INO80C: variants seen among roughly 807,000 people sequenced by gnomAD.
The protein encoded by INO80C is INO80 complex subunit C, also known as IES6 homolog.
Under a neutral mutation model 17.7 loss-of-function variants are expected in INO80C, and 17 were observed. The ratio of observed to expected loss-of-function variants is 0.96; its 90% CI spans 0.66 to 1.44. INO80C has a LOEUF of 1.44. INO80C is among the 40% of genes most tolerant of loss of function. The pLI, the probability that INO80C is intolerant of heterozygous loss-of-function variation, is 0.00. For missense variants in INO80C, 244 were observed against 245.0 expected, an observed-to-expected ratio of 1.00 and a Z score of 0.03; for synonymous variants, 96 against 95.8, an observed-to-expected ratio of 1.00 and a Z score of -0.01.
chr18:35,477,999 A>C (rs577017224), intron 4 of INO80C, among the ~76,000 whole-genome samples: 1 of 152,366 alleles, frequency 6.6e-6, no homozygotes, highest in South Asian at 2.1e-4. Flanking sequence ...TCAGCAGTAA[A>C]AAAAGAAATA....
chr18:35,489,341 T>C (rs1032845562), intron 1 of INO80C: 4 of 277,916 alleles, frequency 1.4e-5, no homozygotes, highest in South Asian at 6.5e-5. Flanking sequence ...CAGTTCCACG[T>C]GGCTGGGGAG....
intron 4 of INO80C, among the ~76,000 whole-genome samples, chr18:35,474,381 A>T (rs2045709679): frequency 6.6e-6 from 1 of 151,606 alleles, no homozygotes; most frequent in Non-Finnish European, 1.5e-5. Context: ...AGGAGAGACA[A>T]CATGCAAGAT....
chr18:35,486,366 G>A (rs1264408240), intron 1 of INO80C, among the ~76,000 whole-genome samples: 2 of 152,210 alleles, frequency 1.3e-5, no homozygotes, highest in African/African-American at 2.4e-5. Context: ...CAGGGGAATG[G>A]AAAGTGACTG....
chr18:35,470,998 A>C (rs1281972422), intron 4 of INO80C, among the ~76,000 whole-genome samples: 1 of 152,192 alleles, frequency 6.6e-6, no homozygotes, highest in South Asian at 2.1e-4. Context: ...TCTCACCCAG[A>C]ATACACTTTT....
chr18:35,472,689 C>T (rs1452015426), intron 4 of INO80C, among the ~76,000 whole-genome samples: 1 of 152,112 alleles, frequency 6.6e-6, no homozygotes, highest in Non-Finnish European at 1.5e-5. Context: ...TCCAAAGAAG[C>T]AGTACCAGTG....
intron 4 of INO80C, among the ~76,000 whole-genome samples, chr18:35,476,485 A>G (rs2045737624): frequency 6.6e-6 from 1 of 152,232 alleles, no homozygotes; most frequent in Non-Finnish European, 1.5e-5. Flanking sequence ...GGCACTTTCT[A>G]TACTATTGTC....
chr18:35,494,402 G>A (rs1189997361), intron 1 of INO80C, among the ~76,000 whole-genome samples: 1 of 152,202 alleles, frequency 6.6e-6, no homozygotes. Flanking sequence ...GATTATCCAA[G>A]TAGGCCTGCC....
intron 1 of INO80C, among the ~76,000 whole-genome samples, chr18:35,481,230 G>A (rs368287295): frequency 5.3e-5 from 8 of 152,288 alleles, no homozygotes; most frequent in African/African-American, 1.7e-4. Flanking sequence ...TGACAAGAAC[G>A]CTAATATGGT....
chr18:35,496,925 A>C (rs1429962713), intron 1 of INO80C: 4 of 152,256 alleles, frequency 2.6e-5, no homozygotes, highest in Non-Finnish European at 5.9e-5. Context: ...AATAAAAAGC[A>C]CTACCAATCA....
intron 4 of INO80C, among the ~76,000 whole-genome samples, chr18:35,474,205 GTCTATATATATATATATA>G (rs2045704572): frequency 1.8e-4 from 5 of 27,236 alleles, no homozygotes; most frequent in African/African-American, 5.6e-4. Context: ...GTGTGTGTGT[GTCTATATATATATATATA>G]TATATATATA....
In INO80C at chr18:35,480,603, T is replaced by C. The variant is rs2045795201; in HGVS notation, c.157-40A>G. 8 of 1,478,670 alleles carry C rather than the reference T, an allele frequency of 5.4e-6. No individual in the cohort carries two copies. The East Asian group carries it at 1.8e-4, about 33-fold the overall frequency. The allele number at this position is 1,478,670 out of a possible 1,614,324, so 91.6% of individuals were successfully genotyped here. A position where few individuals can be genotyped will look rare whatever the true frequency, so the allele number is the denominator to read the frequency against. ...AAAATAGTTTGAAGAAGTCAGTTTC[T>C]TTCAGCTGAGTTCCCCACCTCTGCT... On this transcript the variant is annotated intron_variant, in intron 1 of 4. Coordinates refer to ENST00000334598, the MANE Select transcript of INO80C (RefSeq NM_194281.4).
chr18:35,497,504 ACTT>A lies in INO80C; in HGVS notation c.156+212_156+214del, dbSNP rs548398522. ...ATACTAAGTCAGTAATAACCTCCCT[ACTT>A]CTTCTTCTCTCCTTACAACACAAGG... On this transcript the variant is annotated intron_variant, in intron 1 of 4. Coordinates refer to ENST00000334598, the MANE Select transcript of INO80C (RefSeq NM_194281.4). 514 of 1,362,334 alleles carry A rather than the reference ACTT, an allele frequency of 3.8e-4. 9 individuals are homozygous for A. The South Asian group carries it at 6.6e-3, about 18-fold the overall frequency. 84.4% of individuals were successfully genotyped at this position (1,362,334 alleles called of 1,614,324 possible). A position where few individuals can be genotyped will look rare whatever the true frequency, so the allele number is the denominator to read the frequency against.
intron 1 of INO80C, among the ~76,000 whole-genome samples, chr18:35,491,253 A>C (rs73414895): frequency 0.02 from 3,019 of 152,306 alleles, 114 homozygotes; most frequent in African/African-American, 0.07. Context: ...CAGGCAGACA[A>C]GCACGTCTGC....
rs560980547 is a variant in INO80C, at chr18:35,491,366, C to T, written c.156+6353G>A. ...AGTCAAGAAGAGGATGAAAATGACA[C>T]ACGGAAGCACTGGTTTTTGAAAGGG... On this transcript the variant is annotated intron_variant, in intron 1 of 4. Transcript: ENST00000334598. 2.6e-5 allele frequency among the ~76,000 whole-genome samples: 4 copies of T among 152,296 alleles called. No homozygotes were observed. The East Asian group carries it at 7.7e-4, about 29-fold the overall frequency.
At chr18:35,479,838 A>T (rs1411629338) in intron 2 of INO80C, among the ~76,000 whole-genome samples, 2 of 152,042 alleles carry the variant, frequency 1.3e-5, no homozygotes, top group African/African-American at 2.4e-5. Context: ...GATCCTGGAA[A>T]AGTTGAGAAA....
intron 4 of INO80C, among the ~76,000 whole-genome samples, chr18:35,474,579 G>A (rs1014896255): frequency 3.3e-5 from 5 of 151,940 alleles, no homozygotes; most frequent in Middle Eastern, 3.4e-3. Context: ...CCTAGCTTCC[G>A]GGGAGGCTGA....
At chr18:35,478,231 TA>T (rs1233033498) in intron 4 of INO80C, 50 bp downstream of exon 4, 6 of 1,325,410 alleles carry the variant, frequency 4.5e-6, no homozygotes, top group Non-Finnish European at 6.4e-6. Context: ...AATTAGACAT[TA>T]CTGTGAAATC....
At chr18:35,477,757 T>C (rs1267923809) in intron 4 of INO80C, among the ~76,000 whole-genome samples, 1 of 152,156 alleles carries the variant, frequency 6.6e-6, no homozygotes, top group Non-Finnish European at 1.5e-5. Context: ...GCAGTCACTG[T>C]GGTGGGGAGT....
chr18:35,480,308 C>A, intron 2 of INO80C, 145 bp downstream of exon 2: 1 of 650,320 alleles, frequency 1.5e-6, no homozygotes, highest in South Asian at 1.8e-5. Flanking sequence ...CTTCTCTTGT[C>A]CCCATCTTGC....
Sources: allele counts gnomAD v4.1 joint callset (sites outside exome capture counted in the v4.1 genomes callset), GRCh38; gene constraint gnomAD v4.1.1; transcripts MANE v1.5; gene names NCBI Gene and HGNC (gene_info 2026-07-23, HGNC 2026-07-21).